The following SOS1 variants were observed in gnomAD, a reference collection of about 807,000 sequenced individuals.
SOS1 encodes son of sevenless homolog 1.
In SOS1, 25 loss-of-function variants were observed where a neutral mutation model predicts 157.6. The observed-to-expected ratio is 0.16, with a 90% CI of 0.12 to 0.22. The LOEUF (loss-of-function observed/expected upper bound fraction) is 0.22, where lower values mean the gene tolerates loss of function less well. Among genes scored for constraint, SOS1 ranks in the 10% least tolerant of loss-of-function variants. SOS1 has a pLI of 1.00. For missense variants in SOS1, 1,237 were observed against 1,599.1 expected (o/e 0.77, Z 3.86); for synonymous variants, 528 against 534.0 (o/e 0.99, Z 0.16).
chr2:39,123,459 G>A (rs558296736), upstream of SOS1, among the ~76,000 whole-genome samples: 7 of 151,804 alleles, frequency 4.6e-5, no homozygotes, highest in South Asian at 1.5e-3. Context: ...CCAGGTTCAA[G>A]TGATTTTCCT....
At chr2:39,000,934 C>G (rs1669077161) in intron 17 of SOS1, among the ~76,000 whole-genome samples, 1 of 152,114 alleles carries the variant, frequency 6.6e-6, no homozygotes, top group Non-Finnish European at 1.5e-5. Context: ...GGAGACAAGG[C>G]AAATTTACAC....
At chr2:39,066,464 A>G (rs545660420) in intron 2 of SOS1, among the ~76,000 whole-genome samples, 1 of 152,274 alleles carries the variant, frequency 6.6e-6, no homozygotes, top group African/African-American at 2.4e-5. Flanking sequence ...CATTTTCTAC[A>G]ATTGGTACTT....
At chr2:39,040,947 T>C (rs182409385) in intron 6 of SOS1, among the ~76,000 whole-genome samples, 265 of 152,354 alleles carry the variant, frequency 1.7e-3, no homozygotes, top group South Asian at 8.1e-3. Flanking sequence ...CTCTGTTTTA[T>C]ATTTCTATCA....
At chr2:39,087,289 A>G (rs1672415538) in intron 1 of SOS1, among the ~76,000 whole-genome samples, 1 of 152,238 alleles carries the variant, frequency 6.6e-6, no homozygotes, top group South Asian at 2.1e-4. Flanking sequence ...ATACTTTCCT[A>G]GACAAAATAA....
intron 1 of SOS1, among the ~76,000 whole-genome samples, chr2:39,117,010 T>C (rs183799611): frequency 9.2e-5 from 14 of 152,196 alleles, no homozygotes; most frequent in African/African-American, 3.4e-4. Context: ...ATTTAGTCTT[T>C]TCTGATTATG....
At chr2:39,097,994 C>T (rs981288507) in intron 1 of SOS1, among the ~76,000 whole-genome samples, 1 of 152,094 alleles carries the variant, frequency 6.6e-6, no homozygotes, top group Non-Finnish European at 1.5e-5. Flanking sequence ...TATATCAATA[C>T]AGCAAAACTA....
At chr2:39,077,539 G>C (rs190810255) in intron 1 of SOS1, among the ~76,000 whole-genome samples, 1 of 151,988 alleles carries the variant, frequency 6.6e-6, no homozygotes, top group African/African-American at 2.4e-5. Context: ...GAACAACTAA[G>C]GCACTCCTAA....
At chr2:39,048,368 G>A (rs944767762) in intron 6 of SOS1, among the ~76,000 whole-genome samples, 7 of 151,586 alleles carry the variant, frequency 4.6e-5, no homozygotes, top group African/African-American at 1.2e-4. Flanking sequence ...TAGTTCCTTC[G>A]CAAAATATTT....
chr2:39,023,801 T>C, intron 9 of SOS1: 1 of 523,628 alleles, frequency 1.9e-6, no homozygotes, highest in Non-Finnish European at 3.4e-6. Flanking sequence ...GGAGGTCTTG[T>C]CTGGGAGTAT....
At position 39,013,938 on chromosome 2, in the gene SOS1, C is replaced by T. The variant is rs1205697208; in HGVS notation, c.1992G>A (p.Glu664=). 2 of 1,605,500 alleles carry T rather than the reference C, an allele frequency of 1.2e-6. No individual in the cohort carries two copies. Among genetic ancestry groups the T allele is most frequent in the East Asian group, 2.2e-5 (1 of 44,750 alleles). ...EPTEADRIAI[E]NGDQPLSAEL... is the part of the protein sequence containing the mutation. ...CTGCACTCAAGGGTTGATCTCCATT[C>T]TCTATAGCTATGCGATCAGCTTCTG... is the stretch of plus-strand genomic sequence containing the variant. Residue 664 remains glutamate (E), a synonymous_variant, in exon 12 of 23, where the codon GAG becomes GAA. Coordinates refer to ENST00000402219, the MANE Select transcript of SOS1 (RefSeq NM_005633.4).
chr2:39,067,732 T>G lies in SOS1; in HGVS notation c.109A>C (p.Thr37Pro). 6.2e-7 allele frequency: 1 copy of G among 1,610,708 alleles called. No individual in the cohort carries two copies. The highest frequency in any genetic ancestry group is 8.5e-7 in the Non-Finnish European group (1 of 1,177,022). ...LKKVQGQVHP[T>P]LESNDDALQY... is the part of the protein sequence containing the mutation. ...AGAGCATCATCATTAGACTCGAGAG[T>G]AGGATGAACTTGCCCCTGGACCTAT... The change falls in exon 2 of 23, where the codon ACT becomes CCT. Residue 37 changes from threonine (T) to proline (P), a missense_variant. Physicochemically the swap from Thr to Pro is conservative, Grantham distance 38. Transcript: ENST00000402219.
upstream of SOS1, among the ~76,000 whole-genome samples, chr2:39,121,852 G>A (rs1023382587): frequency 6.6e-6 from 1 of 152,218 alleles, no homozygotes; most frequent in African/African-American, 2.4e-5. Context: ...GCCACTGTTT[G>A]TTTATAATAG....
chr2:39,100,570 T>C (rs1296833834), intron 1 of SOS1, among the ~76,000 whole-genome samples: 1 of 151,782 alleles, frequency 6.6e-6, no homozygotes, highest in East Asian at 1.9e-4. Flanking sequence ...TGAAAGAAAA[T>C]ACTGATGACA....
chr2:39,042,604 C>G (rs1278969573), intron 6 of SOS1, among the ~76,000 whole-genome samples: 1 of 151,826 alleles, frequency 6.6e-6, no homozygotes, highest in Non-Finnish European at 1.5e-5. Context: ...GGGGTTTCAT[C>G]ATGTTGGCCA....
At chr2:39,065,622 T>G (rs1369399546) in intron 2 of SOS1, among the ~76,000 whole-genome samples, 1 of 152,174 alleles carries the variant, frequency 6.6e-6, no homozygotes, top group African/African-American at 2.4e-5. Context: ...AGTACCCTTT[T>G]CTCTCCATGT....
intron 6 of SOS1, among the ~76,000 whole-genome samples, chr2:39,035,776 A>G (rs1293467261): frequency 6.6e-6 from 1 of 152,212 alleles, no homozygotes; most frequent in Non-Finnish European, 1.5e-5. Flanking sequence ...AAACATGGCC[A>G]TAAGAGTGGG....
chr2:38,982,040 C>G lies in SOS1; in HGVS notation c.*3784G>C, dbSNP rs753257098. 32 of 152,182 alleles carry G rather than the reference C, an allele frequency of 2.1e-4. No individual in the cohort carries two copies. The highest frequency in any genetic ancestry group is 5.2e-4 in the Admixed American group (8 of 15,268). The allele number at this position is 152,182 out of a possible 1,614,324, so 9.4% of individuals were successfully genotyped here. ...CTGGCACAGGTGCGCTCTCCCTAAGCCACACCACATGTACCTTCCATCATC... is the reference window on the plus strand; with the variant it reads ...CTGGCACAGGTGCGCTCTCCCTAAGGCACACCACATGTACCTTCCATCATC... On this transcript the variant is annotated 3_prime_UTR_variant, in exon 23 of 23. Coordinates refer to ENST00000402219, the MANE Select transcript of SOS1 (RefSeq NM_005633.4).
intron 6 of SOS1, among the ~76,000 whole-genome samples, chr2:39,036,417 C>A (rs1670348380): frequency 6.6e-6 from 1 of 152,118 alleles, no homozygotes; most frequent in African/African-American, 2.4e-5. Flanking sequence ...GTAGTGCAAT[C>A]TTGGCTCACT....
At chr2:39,110,555 A>G (rs1333509176) in intron 1 of SOS1, among the ~76,000 whole-genome samples, 1 of 152,248 alleles carries the variant, frequency 6.6e-6, no homozygotes, top group African/African-American at 2.4e-5. Context: ...GCAATAAAAA[A>G]AAAAAAAAGA....
Sources: gnomAD v4.1 joint callset for allele counts (sites outside exome capture counted in the v4.1 genomes callset) on GRCh38, gnomAD v4.1.1 for gene constraint, MANE v1.5 for transcripts, NCBI Gene and HGNC (gene_info 2026-07-23, HGNC 2026-07-21) for gene names.